The following ARL6IP6 variants were observed in gnomAD, a reference collection of about 807,000 sequenced individuals.
The protein encoded by ARL6IP6 is ADP-ribosylation factor-like protein 6-interacting protein 6.
A neutral mutation model predicts 21.5 loss-of-function variants in ARL6IP6; 22 were observed. The ratio of observed to expected loss-of-function variants is 1.02; its 90% CI spans 0.73 to 1.46. ARL6IP6 has a LOEUF of 1.46. Among genes scored for constraint, ARL6IP6 ranks in the 40% most tolerant of loss-of-function variants. The pLI, the probability that ARL6IP6 is intolerant of heterozygous loss-of-function variation, is 0.00. For synonymous variants in ARL6IP6, 164 were observed against 125.3 expected (o/e 1.31, Z -2.06); for missense variants, 388 against 299.8 (o/e 1.29, Z -2.17).
intron 2 of ARL6IP6, among the ~76,000 whole-genome samples, chr2:152,721,049 G>A (rs1249696764): frequency 6.6e-6 from 1 of 152,106 alleles, no homozygotes; most frequent in Admixed American, 6.5e-5. Flanking sequence ...AACCGTGATA[G>A]TTACACTGCA....
rs150918127 is a variant in ARL6IP6 at position 152,732,796 on chromosome 2, A to G, written c.455-2198A>G. The stretch of plus-strand genomic sequence containing the variant: ...ATGACCTATGCACATCCTCCCATTT[A>G]CTCTCTCTAATACCTAATATAATGT... On this transcript the variant is annotated intron_variant, in intron 2 of 3. Coordinates refer to ENST00000326446, the MANE Select transcript of ARL6IP6 (RefSeq NM_152522.7). Among the ~76,000 whole-genome samples the G allele has an allele frequency of 3.0e-3, 449 of 151,838 alleles. 2 individuals carry two copies. The highest frequency in any genetic ancestry group is 0.01 in the African/African-American group (423 of 41,368).
At position 152,735,058 on chromosome 2, in the gene ARL6IP6, A is replaced by G. The variant is rs138150276; in HGVS notation, c.519A>G (p.Thr173=). The G allele has an allele frequency of 1.9e-6, 3 of 1,613,350 alleles. No homozygotes were observed. Among genetic ancestry groups the G allele is most frequent in the South Asian group, 2.2e-5 (2 of 91,058 alleles). ...AGFSCCSFSW[T]VTYFDSFEPG... ...TCTCCTGTTGCAGCTTTTCTTGGACAGTGACTTACTTTGATTCTTTTGAAC... is the reference window on the plus strand; with the variant it reads ...TCTCCTGTTGCAGCTTTTCTTGGACGGTGACTTACTTTGATTCTTTTGAAC... Residue 173 remains threonine, a synonymous_variant, in exon 3 of 4, where the codon ACA becomes ACG. Coordinates refer to ENST00000326446, the MANE Select transcript of ARL6IP6 (RefSeq NM_152522.7).
At chr2:152,729,363 C>CGTGTGTGTGTGTGTGT (rs1559227281) in intron 2 of ARL6IP6, among the ~76,000 whole-genome samples, 1 of 143,162 alleles carries the variant, frequency 7.0e-6, no homozygotes, top group African/African-American at 2.9e-5. Flanking sequence ...TGTGTGTGTA[C>CGTGTGTGTGTGTGTGT]ACACATATAT....
chr2:152,727,987 C>T (rs572465607), intron 2 of ARL6IP6, among the ~76,000 whole-genome samples: 1 of 152,308 alleles, frequency 6.6e-6, no homozygotes, highest in South Asian at 2.1e-4. Flanking sequence ...AAGGCTTTCA[C>T]CGATCTACCT....
intron 3 of ARL6IP6, among the ~76,000 whole-genome samples, chr2:152,739,024 C>A (rs1700683076): frequency 6.6e-6 from 1 of 151,736 alleles, no homozygotes; most frequent in African/African-American, 2.4e-5. Flanking sequence ...GCTCTGTCAC[C>A]CAGGCTGGAG....
chr2:152,754,459 C>G (rs900627673), intron 3 of ARL6IP6, among the ~76,000 whole-genome samples: 1 of 152,054 alleles, frequency 6.6e-6, no homozygotes, highest in Non-Finnish European at 1.5e-5. Context: ...TTTTTAAATC[C>G]GTTCATCAGT....
At chr2:152,753,067 A>T (rs1701412101) in intron 3 of ARL6IP6, among the ~76,000 whole-genome samples, 1 of 151,846 alleles carries the variant, frequency 6.6e-6, no homozygotes. Flanking sequence ...GAGCCCCGAG[A>T]GGTGGAGGCT....
intron 3 of ARL6IP6, among the ~76,000 whole-genome samples, chr2:152,745,377 C>A (rs1021136747): frequency 1.1e-4 from 17 of 152,268 alleles, no homozygotes; most frequent in African/African-American, 4.1e-4. Flanking sequence ...ATCCTCATAA[C>A]TAAATACAAG....
chr2:152,725,373 T>A (rs1306902527), intron 2 of ARL6IP6, among the ~76,000 whole-genome samples: 1 of 152,186 alleles, frequency 6.6e-6, no homozygotes, highest in Non-Finnish European at 1.5e-5. Context: ...CCTAAGACTT[T>A]AAGTATTTTT....
chr2:152,743,938 A>G (rs546955112), intron 3 of ARL6IP6, among the ~76,000 whole-genome samples: 1 of 152,280 alleles, frequency 6.6e-6, no homozygotes, highest in African/African-American at 2.4e-5. Context: ...CAGTCACAGC[A>G]TTGTAGTTTT....
Position 152,759,834 on chromosome 2 carries a change from C to T in ARL6IP6, c.675C>T (p.Leu225=). 2 of 1,611,470 alleles carry T rather than the reference C, an allele frequency of 1.2e-6. No individual in the cohort carries two copies. Among genetic ancestry groups the T allele is most frequent in the Non-Finnish European group, 1.7e-6 (2 of 1,177,734 alleles). ...CTGCTCTTACTGTAGCATGGTGCCT[C>T]ATGTAAACCCACACTGGAGCGATAT... ...IVAALTVAWC[L]M Residue 225 remains leucine, a synonymous_variant, in exon 4 of 4, where the codon CTC becomes CTT. Transcript: ENST00000326446.
intron 3 of ARL6IP6, among the ~76,000 whole-genome samples, chr2:152,745,191 T>C (rs946166691): frequency 6.6e-6 from 1 of 152,202 alleles, no homozygotes; most frequent in African/African-American, 2.4e-5. Context: ...TTTAAAATAT[T>C]GTTATTAGGG....
chr2:152,745,468 C>T lies in ARL6IP6; in HGVS notation c.587+10342C>T, dbSNP rs140850033. Among the ~76,000 whole-genome samples the T allele has an allele frequency of 9.2e-5, 14 of 152,242 alleles. No homozygotes were observed. In the East Asian group the frequency reaches 2.5e-3, roughly 27 times the overall value. On this transcript the variant is annotated intron_variant, in intron 3 of 3. Coordinates refer to ENST00000326446, the MANE Select transcript of ARL6IP6 (RefSeq NM_152522.7). ...ATATACGAGTGTTACAGGTTCTTAA[C>T]TTGGGCATATATATAAGCCTTGGAG...
rs191174362 is a variant in ARL6IP6, at chr2:152,745,830, C to T, written c.587+10704C>T. The stretch of plus-strand genomic sequence containing the variant: ...TGAATATATTGATGGCATTGCACCG[C>T]GGCTTCTTGAAGTAAAGGGTTAAAG... On this transcript the variant is annotated intron_variant, in intron 3 of 3. Transcript: ENST00000326446. Among the ~76,000 whole-genome samples the T allele has an allele frequency of 1.5e-3, 222 of 152,028 alleles. 1 individual carries two copies. Among genetic ancestry groups the T allele is most frequent in the Middle Eastern group, 0.01 (3 of 294 alleles).
intron 2 of ARL6IP6, among the ~76,000 whole-genome samples, chr2:152,731,840 A>G (rs4664609): frequency 0.33 from 50,163 of 152,020 alleles, 9,330 homozygotes; most frequent in East Asian, 0.71. Flanking sequence ...CAACATATGT[A>G]TATATGTATG....
chr2:152,718,171 G>A (rs1164149654), upstream of ARL6IP6: 1 of 656,780 alleles, frequency 1.5e-6, no homozygotes, highest in Non-Finnish European at 1.9e-6. Flanking sequence ...GAGCGTAGTG[G>A]GGAAGAAGGG....
chr2:152,741,429 G>A (rs985111967), intron 3 of ARL6IP6, among the ~76,000 whole-genome samples: 4 of 150,944 alleles, frequency 2.6e-5, no homozygotes, highest in Non-Finnish European at 4.4e-5. Flanking sequence ...TAGTTGAAGT[G>A]GGAAAACCAT....
At chr2:152,729,929 A>G (rs1401405224) in intron 2 of ARL6IP6, among the ~76,000 whole-genome samples, 1 of 152,172 alleles carries the variant, frequency 6.6e-6, no homozygotes, top group Non-Finnish European at 1.5e-5. Flanking sequence ...AAATTTTAGC[A>G]TGAGGATTCT....
At position 152,760,772 on chromosome 2, in the gene ARL6IP6, T is replaced by C. The variant is rs1426348391; in HGVS notation, c.*932T>C. 1 of 152,030 alleles carries C rather than the reference T, an allele frequency of 6.6e-6. No individual in the cohort carries two copies. Among genetic ancestry groups the C allele is most frequent in the Admixed American group, 6.6e-5 (1 of 15,234 alleles). 9.4% of individuals were successfully genotyped at this position (152,030 alleles called of 1,614,324 possible). A position where few individuals can be genotyped will look rare whatever the true frequency, so the allele number is the denominator to read the frequency against. On this transcript the variant is annotated 3_prime_UTR_variant, in exon 4 of 4. Coordinates refer to ENST00000326446, the MANE Select transcript of ARL6IP6 (RefSeq NM_152522.7). ...TAAATATAAACATGAAATTTTTGTA[T>C]GTGAGAATGATTGAACTAGTTTGTT...
Sources: gnomAD v4.1 joint callset for allele counts (sites outside exome capture counted in the v4.1 genomes callset) on GRCh38, gnomAD v4.1.1 for gene constraint, MANE v1.5 for transcripts, NCBI Gene and HGNC (gene_info 2026-07-23, HGNC 2026-07-21) for gene names.